The following RNF20 variants were observed in gnomAD, a reference collection of about 807,000 sequenced individuals.
The protein encoded by RNF20 is E3 ubiquitin-protein ligase BRE1A.
A neutral mutation model predicts 126.2 loss-of-function variants in RNF20; 84 were observed. That is an observed-to-expected ratio of 0.67 (90% CI 0.56 to 0.80). The LOEUF (loss-of-function observed/expected upper bound fraction) is 0.80. RNF20 is among the 30% of genes least tolerant of loss of function. RNF20 has a pLI of 0.00. For missense variants in RNF20, 869 were observed against 1,188.2 expected (o/e 0.73, Z 3.95); for synonymous variants, 400 against 414.3 (o/e 0.97, Z 0.42).
chr9:101,547,269 G>C (rs1827366546), intron 8 of RNF20, 55 bp downstream of exon 8: 1 of 1,602,126 alleles, frequency 6.2e-7, no homozygotes, highest in Non-Finnish European at 8.6e-7. Flanking sequence ...TTCATGCTTA[G>C]GTACTTAGGA....
At chr9:101,545,842 C>T (rs1827338569) in intron 6 of RNF20, among the ~76,000 whole-genome samples, 1 of 152,116 alleles carries the variant, frequency 6.6e-6, no homozygotes, top group African/African-American at 2.4e-5. Flanking sequence ...TATTACTAAC[C>T]TGGAGGGCAG....
chr9:101,552,562 A>G lies in RNF20; in HGVS notation c.1710A>G (p.Glu570=), dbSNP rs1312815796. 11 of 1,611,580 alleles carry G rather than the reference A, an allele frequency of 6.8e-6. No individual in the cohort carries two copies. The highest frequency in any genetic ancestry group is 8.5e-6 in the Non-Finnish European group (10 of 1,177,904). ...CTAAACGGGATGAAGAAGAACGAGA[A>G]CGAGAAAGGAGGGAGAAGGAGAGGG... ...IKSKRDEEER[E]RERREKERER... is the part of the protein sequence containing the mutation. The change falls in exon 13 of 20, where the codon GAA becomes GAG. Residue 570 remains glutamate, a synonymous_variant. Coordinates refer to ENST00000389120, the MANE Select transcript of RNF20 (RefSeq NM_019592.7).
At chr9:101,552,073 G>A (rs564108044) in intron 11 of RNF20, 68 bp from the exon 12 acceptor site, 22 of 1,598,352 alleles carry the variant, frequency 1.4e-5, no homozygotes, top group East Asian at 2.2e-5. Context: ...GATGTGTTCT[G>A]TTCTTTCTCT....
intron 16 of RNF20, among the ~76,000 whole-genome samples, chr9:101,558,615 G>T (rs986372229): frequency 6.6e-6 from 1 of 152,128 alleles, no homozygotes; most frequent in Non-Finnish European, 1.5e-5. Context: ...AAGTGAGGTG[G>T]TGTTGCATTG....
At chr9:101,540,668 A>G (rs1393520755) in intron 4 of RNF20, 31 bp downstream of exon 4, 3 of 1,611,688 alleles carry the variant, frequency 1.9e-6, no homozygotes, top group Admixed American at 1.7e-5. Context: ...CTATCACTGC[A>G]TGCTATCTGG....
intron 13 of RNF20, 109 bp from the exon 14 acceptor site, chr9:101,553,879 T>C (rs1827487782): frequency 6.6e-6 from 4 of 610,494 alleles, no homozygotes; most frequent in Non-Finnish European, 5.8e-6. Flanking sequence ...TGATATGAAA[T>C]GTAAAATGAA....
intron 10 of RNF20, among the ~76,000 whole-genome samples, chr9:101,551,438 C>T (rs1827443019): frequency 2.6e-5 from 4 of 152,054 alleles, no homozygotes. Context: ...GAATTGAATA[C>T]TATTTTACAT....
rs1159031316 is a variant in RNF20, at chr9:101,540,765, G to C, written c.446-28G>C. 5 of 1,593,836 alleles carry C rather than the reference G, an allele frequency of 3.1e-6. No homozygotes were observed. The South Asian group carries it at 3.4e-5, about 11-fold the overall frequency. On this transcript the variant is annotated intron_variant, in intron 4 of 19. Transcript: ENST00000389120. ...TATTTCCAGTTTATAATTTTGGGGG[G>C]CTTCTTTTTTTCCCCCTGTGTCCTC...
At chr9:101,547,067 T>C in intron 7 of RNF20, 70 bp from the exon 8 acceptor site, 1 of 1,602,046 alleles carries the variant, frequency 6.2e-7, no homozygotes, top group Non-Finnish European at 8.6e-7. Context: ...ATCTCATCCT[T>C]TGAAGGTACA....
At chr9:101,542,189 T>A (rs1464202436) in intron 5 of RNF20, among the ~76,000 whole-genome samples, 2 of 152,358 alleles carry the variant, frequency 1.3e-5, no homozygotes, top group Admixed American at 1.3e-4. Context: ...TTAAGCAGCT[T>A]GTAGAAGGCC....
chr9:101,535,322 T>TTTTTACTCTATTG, intron 1 of RNF20, 76 bp from the exon 2 acceptor site: 1 of 1,219,874 alleles, frequency 8.2e-7, no homozygotes, highest in South Asian at 1.6e-5. Context: ...AAGTTGCTAG[T>TTTTTACTCTATTG]TTTTACTCTA....
chr9:101,558,435 C>T (rs193026404), intron 16 of RNF20, among the ~76,000 whole-genome samples: 6 of 152,180 alleles, frequency 3.9e-5, no homozygotes, highest in Non-Finnish European at 5.9e-5. Flanking sequence ...AGTGGGATTG[C>T]GGAATCAAGT....
chr9:101,551,499 C>G (rs1246192996), intron 10 of RNF20, among the ~76,000 whole-genome samples, 185 bp from the exon 11 acceptor site: 2 of 151,276 alleles, frequency 1.3e-5, no homozygotes, highest in East Asian at 3.9e-4. Flanking sequence ...TTCTAATATT[C>G]TCAGAATTGG....
chr9:101,552,475 G>C lies in RNF20; in HGVS notation c.1623G>C (p.Glu541Asp). The C allele has an allele frequency of 6.2e-7, 1 of 1,613,816 alleles. No individual in the cohort carries two copies. The highest frequency in any genetic ancestry group is 8.5e-7 in the Non-Finnish European group (1 of 1,179,760). Residue 541 changes from glutamate to aspartate, a missense_variant, in exon 13 of 20, where the codon GAG becomes GAC. Physicochemically the swap from Glu to Asp is conservative, Grantham distance 45. This residue lies in a region of RNF20 where 231 missense variants were observed against 263.6 expected (regional missense o/e 0.88). Coordinates refer to ENST00000389120, the MANE Select transcript of RNF20 (RefSeq NM_019592.7). ...CTGCGGAGCTAAAACCAGATTCTGAGGACTTATCCTCCCAGTCCTCAGCTT... is the reference window on the plus strand; with the variant it reads ...CTGCGGAGCTAAAACCAGATTCTGACGACTTATCCTCCCAGTCCTCAGCTT... ...DEPAELKPDS[E>D]DLSSQSSASK...
chr9:101,551,114 T>C (rs1314412799), intron 10 of RNF20, among the ~76,000 whole-genome samples: 1 of 152,160 alleles, frequency 6.6e-6, no homozygotes, highest in African/African-American at 2.4e-5. Flanking sequence ...AAAAGTAAGG[T>C]ATAAATATTA....
At chr9:101,535,100 G>T (rs1827161908) in intron 1 of RNF20, among the ~76,000 whole-genome samples, 1 of 151,812 alleles carries the variant, frequency 6.6e-6, no homozygotes, top group Admixed American at 6.6e-5. Context: ...GTAGAGACGG[G>T]GTTTCACCGT....
intron 1 of RNF20, chr9:101,534,156 C>G (rs777101626): frequency 6.6e-5 from 10 of 152,030 alleles, no homozygotes; most frequent in Admixed American, 1.3e-4. Flanking sequence ...CGAGGTCCTA[C>G]TGAGGTTGTT....
rs191623638 is a variant in RNF20 at position 101,559,886 on chromosome 9, C to G, written c.2383-915C>G. Among the ~76,000 whole-genome samples the G allele has an allele frequency of 3.3e-5, 5 of 152,218 alleles. No individual in the cohort carries two copies. In the East Asian group the frequency reaches 9.6e-4, roughly 29 times the overall value. ...ACTTCCTCATTACCAATTTGGATGC[C>G]TTTTATTTCTTTCTCTTGTCTGATT... On this transcript the variant is annotated intron_variant, in intron 16 of 19. Transcript: ENST00000389120.
chr9:101,547,140 A>G lies in RNF20; in HGVS notation c.898A>G (p.Asn300Asp). ...RHLAEVLERV[N>D]SKGYKVYGAG... is the part of the protein sequence containing the mutation. ...AGAATCTTTGTGTTCTCTGTAGGTG[A>G]ATTCCAAAGGTTATAAGGTGTATGG... The change falls in exon 8 of 20, where the codon AAT becomes GAT. Residue 300 changes from asparagine to aspartate, a missense_variant. Physicochemically the swap from Asn to Asp is conservative, Grantham distance 23. Around this residue, in one of 8 missense-constraint regions of RNF20, gnomAD observed 153 missense variants for 226.4 expected, o/e 0.68. Transcript: ENST00000389120. 1 of 1,613,988 alleles carries G rather than the reference A, an allele frequency of 6.2e-7. No homozygotes were observed. The highest frequency in any genetic ancestry group is 8.5e-7 in the Non-Finnish European group (1 of 1,179,848).
Sources: allele counts gnomAD v4.1 joint callset (sites outside exome capture counted in the v4.1 genomes callset), GRCh38; gene constraint gnomAD v4.1.1; regional missense constraint gnomAD v4.1.1; transcripts MANE v1.5; gene names NCBI Gene and HGNC (gene_info 2026-07-23, HGNC 2026-07-21).